The following P3H2 variants were observed in gnomAD, a reference collection of about 807,000 sequenced individuals.
The protein encoded by P3H2 is prolyl 3-hydroxylase 2, also known as leprecan-like 1.
P3H2 carries 80 observed loss-of-function variants against 87.0 expected under a neutral mutation model. The ratio of observed to expected loss-of-function variants is 0.92; its 90% CI spans 0.77 to 1.11. The LOEUF is 1.11. Ranked by LOEUF, P3H2 falls within the 50% of genes least tolerant of loss-of-function variation. The probability of loss-of-function intolerance (pLI) is 0.00; values close to 1 mark genes in which losing one functional copy is unlikely to be tolerated. For missense variants in P3H2, 1,001 were observed against 923.9 expected (o/e 1.08, Z -1.08); for synonymous variants, 367 against 359.3 (o/e 1.02, Z -0.24).
At chr3:190,090,702 CAA>C (rs5855304) in intron 1 of P3H2, among the ~76,000 whole-genome samples, 31 of 143,086 alleles carry the variant, frequency 2.2e-4, no homozygotes, top group African/African-American at 2.5e-4. Flanking sequence ...GACTCTGACT[CAA>C]AAAAAAAAAA....
intron 1 of P3H2, among the ~76,000 whole-genome samples, chr3:190,005,566 C>T (rs1012006900): frequency 2.0e-5 from 3 of 152,202 alleles, no homozygotes; most frequent in Non-Finnish European, 4.4e-5. Flanking sequence ...CCACTCAAAT[C>T]GCTTTACTGT....
chr3:189,983,026 A>G lies in P3H2; in HGVS notation c.1324+20T>C. ...TTCCCCTTCCCCTCCTTTATAGGGT[A>G]AAAGTGCACAGCTACTTACCTTCTC... On this transcript the variant is annotated intron_variant, in intron 8 of 14. Transcript: ENST00000319332. The G allele has an allele frequency of 6.3e-7, 1 of 1,583,936 alleles. No homozygotes were observed. The highest frequency in any genetic ancestry group is 8.7e-7 in the Non-Finnish European group (1 of 1,152,480).
intron 1 of P3H2, among the ~76,000 whole-genome samples, chr3:190,114,437 C>T (rs1230103590): frequency 1.3e-5 from 2 of 151,988 alleles, no homozygotes; most frequent in Non-Finnish European, 2.9e-5. Flanking sequence ...ACGCCCACCT[C>T]GGCCTCCCAA....
Position 190,013,858 on chromosome 3 carries a change from T to C in P3H2, c.481-18416A>G, listed in dbSNP as rs923136011. Among the ~76,000 whole-genome samples, 4 of 152,186 alleles carry C rather than the reference T, an allele frequency of 2.6e-5. No homozygotes were observed. The South Asian group carries it at 6.2e-4, about 24-fold the overall frequency. Reference sequence around the variant, plus strand: ...ATCATCACTTCATCATTTCTGCATATGAAATATTACACTGAGATCAAGAAT... The same window carrying C: ...ATCATCACTTCATCATTTCTGCATACGAAATATTACACTGAGATCAAGAAT... On this transcript the variant is annotated intron_variant, in intron 1 of 14. Transcript: ENST00000319332.
At chr3:190,057,351 G>T (rs987536206) in intron 1 of P3H2, among the ~76,000 whole-genome samples, 1 of 152,164 alleles carries the variant, frequency 6.6e-6, no homozygotes, top group African/African-American at 2.4e-5. Context: ...GAGAAGCACA[G>T]CTTTTCTGTG....
intron 1 of P3H2, among the ~76,000 whole-genome samples, chr3:190,028,811 T>A (rs1397320151): frequency 5.9e-5 from 9 of 152,260 alleles, no homozygotes; most frequent in African/African-American, 1.7e-4. Flanking sequence ...ATTTTATTAT[T>A]TTAATAATTG....
rs1251221204 is a variant in P3H2 at position 190,120,263 on chromosome 3, C to T, written c.469G>A (p.Ala157Thr). Residue 157 changes from alanine (A) to threonine (T), a missense_variant, in exon 1 of 15, where the codon GCC (alanine) becomes ACC (threonine). By Grantham distance (58) the Ala-to-Thr change is moderately conservative. Transcript: ENST00000319332. The stretch of plus-strand genomic sequence containing the variant: ...CGCTCTGTGGGTACCTTGATGTAGG[C>T]CCGCTGCAGGTAGTTGTAGGGCACT... The part of the protein sequence containing the change: ...RRVPYNYLQR[A>T]YIKLNQLEKA... 5 of 1,610,732 alleles carry T rather than the reference C, an allele frequency of 3.1e-6. No homozygotes were observed. Among genetic ancestry groups the T allele is most frequent in the Admixed American group, 3.3e-5 (2 of 59,730 alleles).
At chr3:189,999,264 G>T (rs1202274860) in intron 1 of P3H2, among the ~76,000 whole-genome samples, 1 of 152,044 alleles carries the variant, frequency 6.6e-6, no homozygotes, top group Non-Finnish European at 1.5e-5. Flanking sequence ...TTATAGTCCA[G>T]AATTGAAGAT....
Position 190,008,845 on chromosome 3 carries a change from C to T in P3H2, c.481-13403G>A, listed in dbSNP as rs1158754941. ...AGTGGGGAGAAATCTGAGATAATTC[C>T]TGTGTTTTAGTAGTGAATCTGGGGG... On this transcript the variant is annotated intron_variant, in intron 1 of 14. Coordinates refer to ENST00000319332, the MANE Select transcript of P3H2 (RefSeq NM_018192.4). Among the ~76,000 whole-genome samples the T allele has an allele frequency of 2.6e-5, 4 of 151,990 alleles. No homozygotes were observed. In the East Asian group the frequency reaches 7.7e-4, roughly 29 times the overall value.
At chr3:190,002,273 A>T (rs184411968) in intron 1 of P3H2, among the ~76,000 whole-genome samples, 90 of 152,314 alleles carry the variant, frequency 5.9e-4, no homozygotes, top group African/African-American at 2.1e-3. Flanking sequence ...TAATTTTAAC[A>T]TCCATAGAGA....
chr3:190,068,138 T>G (rs1460231819), intron 1 of P3H2, among the ~76,000 whole-genome samples: 3 of 152,154 alleles, frequency 2.0e-5, no homozygotes, highest in Non-Finnish European at 4.4e-5. Flanking sequence ...ATTACATTGT[T>G]TATAAAAATT....
At chr3:190,105,197 G>A (rs1355487240) in intron 1 of P3H2, among the ~76,000 whole-genome samples, 7 of 152,124 alleles carry the variant, frequency 4.6e-5, no homozygotes, top group South Asian at 4.1e-4. Context: ...TTTGACTCAC[G>A]TTTGAACACC....
rs568913674 is a variant in P3H2, at chr3:190,000,831, G to A, written c.481-5389C>T. ...TTTAAATGTCATTCTAAGTGCACAA[G>A]GAAACAGTAAAAAATGTTAAGGAGG... is the stretch of plus-strand genomic sequence containing the variant. On this transcript the variant is annotated intron_variant, in intron 1 of 14. Coordinates refer to ENST00000319332, the MANE Select transcript of P3H2 (RefSeq NM_018192.4). 3.9e-5 allele frequency among the ~76,000 whole-genome samples: 6 copies of A among 152,242 alleles called. No individual in the cohort carries two copies. In the South Asian group the frequency reaches 1.2e-3, roughly 32 times the overall value.
At position 189,994,047 on chromosome 3, in the gene P3H2, T is replaced by G. The variant is rs968751573; in HGVS notation, c.823+47A>C. 2.1e-6 allele frequency: 3 copies of G among 1,428,224 alleles called. No individual in the cohort carries two copies. In the African/African-American group the frequency reaches 4.2e-5, roughly 20 times the overall value. 88.5% of individuals were successfully genotyped at this position (1,428,224 alleles called of 1,614,324 possible). Reference sequence around the variant, plus strand: ...ATAGTTTTTTACAAATTGCAAGTAGTATTTTTATAATCAAGAAAGAAATAA... The same window carrying G: ...ATAGTTTTTTACAAATTGCAAGTAGGATTTTTATAATCAAGAAAGAAATAA... On this transcript the variant is annotated intron_variant, in intron 3 of 14. Coordinates refer to ENST00000319332, the MANE Select transcript of P3H2 (RefSeq NM_018192.4).
chr3:190,100,091 A>G (rs1231976301), intron 1 of P3H2, among the ~76,000 whole-genome samples: 1 of 152,012 alleles, frequency 6.6e-6, no homozygotes, highest in African/African-American at 2.4e-5. Context: ...AAAATTAGCC[A>G]GGTGCAGTGG....
intron 1 of P3H2, among the ~76,000 whole-genome samples, chr3:190,046,981 CTATT>C (rs372453358): frequency 3.0e-4 from 45 of 152,054 alleles, no homozygotes; most frequent in African/African-American, 9.9e-4. Flanking sequence ...TATTTGCAAA[CTATT>C]TATCTAATGA....
In P3H2 at chr3:190,048,097, G is replaced by A. The variant is rs146124054; in HGVS notation, c.481-52655C>T. Among the ~76,000 whole-genome samples the A allele has an allele frequency of 3.1e-3, 469 of 152,278 alleles. 3 individuals are homozygous for A. The highest frequency in any genetic ancestry group is 0.011 in the African/African-American group (441 of 41,570). On this transcript the variant is annotated intron_variant, in intron 1 of 14. Transcript: ENST00000319332. ...GACTGTTGAATACAGAAGAGGAGCA[G>A]TTTCACCAACACAACTATCTTCATT... is the stretch of plus-strand genomic sequence containing the variant.
chr3:189,974,483 G>T, intron 9 of P3H2, 75 bp downstream of exon 9: 1 of 1,589,198 alleles, frequency 6.3e-7, no homozygotes. Context: ...GGCTCCAGAT[G>T]AGACCAGGAC....
intron 1 of P3H2, among the ~76,000 whole-genome samples, chr3:190,044,431 C>T (rs1308561224): frequency 6.6e-6 from 1 of 152,196 alleles, no homozygotes; most frequent in South Asian, 2.1e-4. Context: ...AGCTGCCACA[C>T]CTCTCGCTAG....
Sources: gnomAD v4.1 joint callset for allele counts (sites outside exome capture counted in the v4.1 genomes callset) on GRCh38, gnomAD v4.1.1 for gene constraint, MANE v1.5 for transcripts, NCBI Gene and HGNC (gene_info 2026-07-23, HGNC 2026-07-21) for gene names.